The following PPFIBP1 variants were observed in gnomAD, a reference collection of about 807,000 sequenced individuals.
PPFIBP1 encodes PPFIB scaffold protein 1.
A neutral mutation model predicts 137.8 loss-of-function variants in PPFIBP1; 112 were observed. The observed-to-expected ratio is 0.81, with a 90% CI of 0.70 to 0.95. PPFIBP1 has a LOEUF of 0.95. Ranked by LOEUF, PPFIBP1 falls within the 40% of genes least tolerant of loss-of-function variation. The probability of loss-of-function intolerance (pLI) is 0.00; values close to 1 mark genes in which losing one functional copy is unlikely to be tolerated. For missense variants in PPFIBP1, 1,083 were observed against 1,196.6 expected (o/e 0.91, Z 1.40); for synonymous variants, 378 against 417.3 (o/e 0.91, Z 1.15).
At chr12:27,566,071 C>T (rs1222180760) in intron 1 of PPFIBP1, among the ~76,000 whole-genome samples, 1 of 151,640 alleles carries the variant, frequency 6.6e-6, no homozygotes, top group East Asian at 1.9e-4. Flanking sequence ...TTTTTTTTTC[C>T]CAGAAAGAGA....
chr12:27,572,215 A>G (rs2050206821), intron 1 of PPFIBP1, among the ~76,000 whole-genome samples: 1 of 152,218 alleles, frequency 6.6e-6, no homozygotes, highest in South Asian at 2.1e-4. Context: ...CATATAAAAT[A>G]AAGTTTTAAA....
intron 2 of PPFIBP1, among the ~76,000 whole-genome samples, chr12:27,597,405 C>T (rs1429347665): frequency 1.3e-5 from 2 of 152,162 alleles, no homozygotes; most frequent in South Asian, 2.1e-4. Flanking sequence ...CCACCCACCT[C>T]GGCTCCCCAA....
chr12:27,641,883 C>T (rs1199689288), intron 4 of PPFIBP1, among the ~76,000 whole-genome samples: 1 of 152,018 alleles, frequency 6.6e-6, no homozygotes, highest in East Asian at 1.9e-4. Flanking sequence ...GTGGCAACCC[C>T]CTTTGGGTCC....
chr12:27,572,916 T>C (rs1372069849), intron 1 of PPFIBP1, among the ~76,000 whole-genome samples: 1 of 152,216 alleles, frequency 6.6e-6, no homozygotes, highest in Non-Finnish European at 1.5e-5. Flanking sequence ...CACTTGATCT[T>C]CACTTTCATT....
At chr12:27,666,788 G>T (rs1449822428) in intron 12 of PPFIBP1, among the ~76,000 whole-genome samples, 1 of 152,122 alleles carries the variant, frequency 6.6e-6, no homozygotes, top group Non-Finnish European at 1.5e-5. Flanking sequence ...TTCGTTTTTT[G>T]TACCAGGTAT....
In PPFIBP1 at chr12:27,688,358, C is replaced by T. The variant is rs1452358505; in HGVS notation, c.2431C>T (p.Arg811Cys). ...TAACCATCGAGTGATGGAGTGGCTG[C>T]GCTCCGTGGACTTGGCAGAATATGC... ...WTNHRVMEWL[R>C]SVDLAEYAPN... The change falls in exon 26 of 30, where the codon CGC (arginine) becomes TGC (cysteine). Residue 811 changes from arginine to cysteine, a missense_variant. Transcript: ENST00000228425. 18 of 1,614,082 alleles carry T rather than the reference C, an allele frequency of 1.1e-5. No homozygotes were observed. The highest frequency in any genetic ancestry group is 1.4e-5 in the Non-Finnish European group (17 of 1,179,976).
In PPFIBP1 at chr12:27,676,413, T is replaced by A; in HGVS notation, c.1411-15T>A. ...GCACCTGAGAGCTGTTTCACTATTC[T>A]TATTTGCCTCTCAGGACAGAGCTCC... On this transcript the variant is annotated splice_polypyrimidine_tract_variant and intron_variant, in intron 17 of 29. Transcript: ENST00000228425. The A allele has an allele frequency of 6.8e-7, 1 of 1,471,014 alleles. No individual in the cohort carries two copies. The highest frequency in any genetic ancestry group is 1.5e-5 in the South Asian group (1 of 66,624). 91.1% of individuals were successfully genotyped at this position (1,471,014 alleles called of 1,614,324 possible). A position where few individuals can be genotyped will look rare whatever the true frequency, so the allele number is the denominator to read the frequency against.
At position 27,661,517 on chromosome 12, in the gene PPFIBP1, T is replaced by C. The variant is rs2059550534; in HGVS notation, c.906+572T>C. Among the ~76,000 whole-genome samples the C allele has an allele frequency of 1.3e-5, 2 of 152,204 alleles. 1 individual carries two copies. The highest frequency in any genetic ancestry group is 4.1e-4 in the South Asian group (2 of 4,828). ...GTTCTTGTTATCCACATGTGATGTT[T>C]CGTCCTGCTAAGGGCAGGGATGCAG... is the stretch of plus-strand genomic sequence containing the variant. On this transcript the variant is annotated intron_variant, in intron 11 of 29. Transcript: ENST00000228425.
chr12:27,603,386 C>G (rs1165634363), intron 2 of PPFIBP1, among the ~76,000 whole-genome samples: 1 of 152,174 alleles, frequency 6.6e-6, no homozygotes, highest in African/African-American at 2.4e-5. Context: ...ACTCCTTCCT[C>G]TCACTTTCCT....
intron 12 of PPFIBP1, 23 bp from the exon 13 acceptor site, chr12:27,667,143 C>A (rs752158169): frequency 6.5e-7 from 1 of 1,527,904 alleles, no homozygotes; most frequent in African/African-American, 1.4e-5. Context: ...CTGTTGTCTT[C>A]TCTTTGTTTT....
intron 10 of PPFIBP1, 81 bp from the exon 11 acceptor site, chr12:27,660,802 AT>A: frequency 6.5e-7 from 1 of 1,531,160 alleles, no homozygotes; most frequent in Non-Finnish European, 8.8e-7. Context: ...ACCTTAAAAT[AT>A]TTCAGTCTGG....
chr12:27,621,471 T>TTG, intron 2 of PPFIBP1, among the ~76,000 whole-genome samples: 1 of 152,370 alleles, frequency 6.6e-6, no homozygotes, highest in East Asian at 1.9e-4. Flanking sequence ...TATTCGTTAA[T>TTG]TGTACAAATT....
At position 27,538,941 on chromosome 12, in the gene PPFIBP1, C is replaced by T. The variant is rs148918955; in HGVS notation, c.-124+14576C>T. ...CAATGTCAAGAGACATTTTTTGTGTCACAACCTGGGGGTGGGGGTGCTGCT... is the reference window on the plus strand; with the variant it reads ...CAATGTCAAGAGACATTTTTTGTGTTACAACCTGGGGGTGGGGGTGCTGCT... On this transcript the variant is annotated intron_variant, in intron 1 of 29. Coordinates refer to ENST00000228425, the MANE Select transcript of PPFIBP1 (RefSeq NM_003622.4). Among the ~76,000 whole-genome samples the T allele has an allele frequency of 2.0e-5, 3 of 152,232 alleles. No individual in the cohort carries two copies. The East Asian group carries it at 5.8e-4, about 29-fold the overall frequency.
chr12:27,595,624 G>A (rs904638280), intron 2 of PPFIBP1, among the ~76,000 whole-genome samples: 2 of 152,086 alleles, frequency 1.3e-5, no homozygotes, highest in Admixed American at 1.3e-4. Context: ...GGAGGCTGAG[G>A]TGGGCGGATC....
intron 24 of PPFIBP1, among the ~76,000 whole-genome samples, chr12:27,683,530 A>G (rs2061008012): frequency 6.6e-6 from 1 of 152,168 alleles, no homozygotes; most frequent in Non-Finnish European, 1.5e-5. Flanking sequence ...CTGAAACCCT[A>G]TCACCCGTCT....
intron 2 of PPFIBP1, among the ~76,000 whole-genome samples, chr12:27,615,753 C>G (rs1213089360): frequency 6.6e-6 from 1 of 152,096 alleles, no homozygotes; most frequent in Non-Finnish European, 1.5e-5. Flanking sequence ...ACAAAAGAGG[C>G]AGAGTAGAGG....
At chr12:27,666,344 C>T (rs944717181) in intron 12 of PPFIBP1, among the ~76,000 whole-genome samples, 7 of 152,288 alleles carry the variant, frequency 4.6e-5, no homozygotes, top group African/African-American at 1.7e-4. Context: ...AGTTAATCCT[C>T]ATACAATTCT....
intron 1 of PPFIBP1, among the ~76,000 whole-genome samples, chr12:27,544,889 T>C (rs907105302): frequency 6.6e-6 from 1 of 152,196 alleles, no homozygotes; most frequent in African/African-American, 2.4e-5. Context: ...ACTGGGTATA[T>C]ACCCAAAGGA....
chr12:27,529,994 C>T (rs2135768320), intron 1 of PPFIBP1, among the ~76,000 whole-genome samples: 1 of 152,300 alleles, frequency 6.6e-6, no homozygotes, highest in Middle Eastern at 3.4e-3. Context: ...TATCTTACTA[C>T]CACAGAATTG....
Sources: allele counts gnomAD v4.1 joint callset (sites outside exome capture counted in the v4.1 genomes callset), GRCh38; gene constraint gnomAD v4.1.1; transcripts MANE v1.5; gene names NCBI Gene and HGNC (gene_info 2026-07-23, HGNC 2026-07-21).